The following MAP1LC3B variants were observed in gnomAD, a reference collection of about 807,000 sequenced individuals.
MAP1LC3B encodes the protein microtubule-associated protein 1 light chain 3 beta.
A neutral mutation model predicts 16.7 loss-of-function variants in MAP1LC3B; 12 were observed. The observed-to-expected ratio is 0.72, with a 90% confidence interval of 0.46 to 1.16. MAP1LC3B has a LOEUF of 1.16. Ranked by LOEUF, MAP1LC3B falls within the 50% of genes most tolerant of loss-of-function variation. MAP1LC3B has a pLI of 0.00. For missense variants in MAP1LC3B, 155 were observed against 159.5 expected, an observed-to-expected ratio of 0.97 and a Z score of 0.15; for synonymous variants, 63 against 56.5, an observed-to-expected ratio of 1.11 and a Z score of -0.51.
chr16:87,402,730 T>C (rs566523511), intron 3 of MAP1LC3B, 193 bp from the exon 4 acceptor site: 2 of 692,520 alleles, frequency 2.9e-6, no homozygotes, highest in East Asian at 2.8e-5. Flanking sequence ...CAGCCTAATA[T>C]GTAATCTTTC....
chr16:87,395,599 G>C (rs183918483), intron 1 of MAP1LC3B, among the ~76,000 whole-genome samples: 6 of 152,354 alleles, frequency 3.9e-5, no homozygotes, highest in Admixed American at 3.9e-4. Context: ...TGTACAGCCA[G>C]TTAGTTACTC....
chr16:87,402,838 C>T (rs551392809), intron 3 of MAP1LC3B, 85 bp from the exon 4 acceptor site: 11 of 1,476,436 alleles, frequency 7.5e-6, no homozygotes, highest in African/African-American at 4.2e-5. Flanking sequence ...TATATTTTAC[C>T]GATCAGAGTG....
intron 1 of MAP1LC3B, 192 bp downstream of exon 1, chr16:87,392,659 G>T (rs556238509): frequency 9.3e-6 from 3 of 323,386 alleles, no homozygotes; most frequent in South Asian, 2.7e-4. Context: ...GACCGAGCCG[G>T]GAGGGCCAGG....
chr16:87,398,351 C>T (rs1043221028), intron 1 of MAP1LC3B, among the ~76,000 whole-genome samples: 11 of 152,152 alleles, frequency 7.2e-5, no homozygotes, highest in African/African-American at 2.7e-4. Flanking sequence ...TCTTAGGCAC[C>T]ATATCATTAA....
intron 1 of MAP1LC3B, among the ~76,000 whole-genome samples, chr16:87,394,493 T>G (rs555959501): frequency 6.6e-6 from 1 of 152,362 alleles, no homozygotes; most frequent in South Asian, 2.1e-4. Flanking sequence ...GCTCTGCTGA[T>G]AAACTCTACC....
chr16:87,394,064 A>T (rs1472123299), intron 1 of MAP1LC3B, among the ~76,000 whole-genome samples: 1 of 152,220 alleles, frequency 6.6e-6, no homozygotes, highest in African/African-American at 2.4e-5. Flanking sequence ...ATTTCCTGGA[A>T]CCTAAAAGTG....
At chr16:87,393,749 TTTTTA>T (rs1252901057) in intron 1 of MAP1LC3B, among the ~76,000 whole-genome samples, 1 of 152,142 alleles carries the variant, frequency 6.6e-6, no homozygotes, top group Non-Finnish European at 1.5e-5. Context: ...TTTCTTTTCT[TTTTTA>T]TTTTGAGACA....
chr16:87,400,655 A>G (rs578070908), intron 2 of MAP1LC3B, among the ~76,000 whole-genome samples: 1 of 151,832 alleles, frequency 6.6e-6, no homozygotes, highest in African/African-American at 2.4e-5. Context: ...AACATTGAGC[A>G]TATTACTATA....
chr16:87,395,467 A>G (rs1238407720), intron 1 of MAP1LC3B, among the ~76,000 whole-genome samples: 2 of 152,222 alleles, frequency 1.3e-5, no homozygotes, highest in East Asian at 3.8e-4. Flanking sequence ...AACAGGGAGT[A>G]AAAGACTTGC....
In MAP1LC3B at chr16:87,398,870, G is replaced by A. The variant is rs775311558; in HGVS notation, c.96G>A (p.Pro32=). The A allele has an allele frequency of 1.2e-6, 2 of 1,613,820 alleles. No homozygotes were observed. Among genetic ancestry groups the A allele is most frequent in the African/African-American group, 1.3e-5 (1 of 75,040 alleles). Reference sequence around the variant, plus strand: ...GAGAGCAGCATCCAACCAAAATCCCGGTAGGTAGTCTCAGGCCTCGGTTTC... The same window carrying A: ...GAGAGCAGCATCCAACCAAAATCCCAGTAGGTAGTCTCAGGCCTCGGTTTC... ...LIREQHPTKI[P]VIIERYKGEK... The change falls in exon 2 of 4, where the codon CCG becomes CCA. Residue 32 remains proline (P), a splice_region_variant and synonymous_variant. Transcript: ENST00000268607.
intron 1 of MAP1LC3B, among the ~76,000 whole-genome samples, chr16:87,395,996 G>A (rs1279503214): frequency 6.6e-6 from 1 of 150,888 alleles, no homozygotes; most frequent in Non-Finnish European, 1.5e-5. Context: ...GAGTAGCTGG[G>A]ATTACGGGTG....
intron 1 of MAP1LC3B, among the ~76,000 whole-genome samples, chr16:87,395,051 A>C (rs1196047923): frequency 2.0e-5 from 3 of 152,018 alleles, no homozygotes; most frequent in Admixed American, 2.0e-4. Flanking sequence ...GGCCTGGGGG[A>C]GGGGGAGTGC....
At position 87,392,394 on chromosome 16, in the gene MAP1LC3B, T is replaced by C; in HGVS notation, c.-34T>C. 2 of 1,414,662 alleles carry C rather than the reference T, an allele frequency of 1.4e-6. No individual in the cohort carries two copies. The allele number at this position is 1,414,662 out of a possible 1,614,324, so 87.6% of individuals were successfully genotyped here. ...CCCGGGAGCCGCCGGGACCCTCGCG[T>C]CGTCGCCGCCGCCGCCGCCCAGATC... On this transcript the variant is annotated 5_prime_UTR_variant, in exon 1 of 4. Coordinates refer to ENST00000268607, the MANE Select transcript of MAP1LC3B (RefSeq NM_022818.5).
Position 87,403,299 on chromosome 16 carries a change from T to C in MAP1LC3B, c.*202T>C. The C allele has an allele frequency of 4.1e-6, 2 of 484,888 alleles. No homozygotes were observed. The highest frequency in any genetic ancestry group is 3.7e-6 in the Non-Finnish European group (1 of 267,718). 30.0% of individuals were successfully genotyped at this position (484,888 alleles called of 1,614,324 possible). On this transcript the variant is annotated 3_prime_UTR_variant, in exon 4 of 4. Transcript: ENST00000268607. The stretch of plus-strand genomic sequence containing the variant: ...AGTGAGCACATTCAGCTTTGGAAAC[T>C]ATATTATTTAATGTAGGCTAGCTTG...
At chr16:87,401,611 C>T (rs889562161) in intron 2 of MAP1LC3B, among the ~76,000 whole-genome samples, 5 of 152,214 alleles carry the variant, frequency 3.3e-5, no homozygotes, top group Admixed American at 1.3e-4. Context: ...CAGCTCACTG[C>T]AACCTCCGCC....
chr16:87,402,264 G>A lies in MAP1LC3B; in HGVS notation c.186G>A (p.Glu62=). 1.2e-6 allele frequency: 2 copies of A among 1,613,998 alleles called. No homozygotes were observed. Among genetic ancestry groups the A allele is most frequent in the Non-Finnish European group, 1.7e-6 (2 of 1,179,940 alleles). The part of the protein sequence containing the change: ...FLVPDHVNMS[E]LIKIIRRRLQ... ...TACCTGACCATGTCAACATGAGTGAGCTCATCAAGATAATTAGGTATTCAG... is the reference window on the plus strand; with the variant it reads ...TACCTGACCATGTCAACATGAGTGAACTCATCAAGATAATTAGGTATTCAG... The change falls in exon 3 of 4, where the codon GAG becomes GAA. Residue 62 remains glutamate, a synonymous_variant. Transcript: ENST00000268607.
chr16:87,396,817 C>T (rs1035963076), intron 1 of MAP1LC3B: 1 of 152,044 alleles, frequency 6.6e-6, no homozygotes, highest in African/African-American at 2.4e-5. Context: ...CGAAATTTGT[C>T]ATTATTATTT....
At position 87,402,214 on chromosome 16, in the gene MAP1LC3B, G is replaced by A; in HGVS notation, c.136G>A (p.Val46Ile). ...ERYKGEKQLPVLDKTKFLVPD... is the reference protein window; with the variant it reads ...ERYKGEKQLPILDKTKFLVPD... ...ATACAAGGGTGAGAAGCAGCTTCCT[G>A]TTCTGGATAAAACAAAGTTCCTTGT... The change falls in exon 3 of 4, where the codon GTT (valine) becomes ATT (isoleucine). Residue 46 changes from valine (V) to isoleucine (I), a missense_variant. By Grantham distance (29) the Val-to-Ile change is conservative. Coordinates refer to ENST00000268607, the MANE Select transcript of MAP1LC3B (RefSeq NM_022818.5). 6.2e-7 allele frequency: 1 copy of A among 1,614,114 alleles called. No homozygotes were observed. The highest frequency in any genetic ancestry group is 1.1e-5 in the South Asian group (1 of 91,082).
At chr16:87,393,447 T>A (rs1452490369) in intron 1 of MAP1LC3B, 2 of 152,250 alleles carry the variant, frequency 1.3e-5, no homozygotes, top group Non-Finnish European at 2.9e-5. Flanking sequence ...TGTCTGCTTT[T>A]GCCTAGTTTC....
Sources: gnomAD v4.1 joint callset for allele counts (sites outside exome capture counted in the v4.1 genomes callset) on GRCh38, gnomAD v4.1.1 for gene constraint, MANE v1.5 for transcripts, NCBI Gene and HGNC (gene_info 2026-07-23, HGNC 2026-07-21) for gene names.